Variants in B4GALT2 observed in about 807,000 individuals in gnomAD.
B4GALT2 encodes N-acetyllactosamine synthase.
B4GALT2 carries 18 observed loss-of-function variants against 33.2 expected under a neutral mutation model. The observed-to-expected ratio is 0.54, with a 90% CI of 0.38 to 0.80. The LOEUF is 0.80. Among genes scored for constraint, B4GALT2 ranks in the 30% least tolerant of loss-of-function variants. B4GALT2 has a pLI of 0.00. For missense variants in B4GALT2, 404 were observed against 526.2 expected, an observed-to-expected ratio of 0.77 and a Z score of 2.27; for synonymous variants, 214 against 217.6, an observed-to-expected ratio of 0.98 and a Z score of 0.15.
chr1:43,987,981 C>G (rs1366127853), intron 6 of B4GALT2, among the ~76,000 whole-genome samples: 1 of 152,154 alleles, frequency 6.6e-6, no homozygotes, highest in Non-Finnish European at 1.5e-5. Context: ...TTCTCTGTTA[C>G]CTGCCTCCCC....
chr1:43,980,045 T>C, intron 1 of B4GALT2: 1 of 1,514,542 alleles, frequency 6.6e-7, no homozygotes, highest in Non-Finnish European at 8.8e-7. Context: ...GTGGCCTTGT[T>C]TGTGAGTGTG....
chr1:43,988,701 G>T (rs2085687782), intron 6 of B4GALT2, among the ~76,000 whole-genome samples: 1 of 151,898 alleles, frequency 6.6e-6, no homozygotes, highest in Non-Finnish European at 1.5e-5. Flanking sequence ...AAAACAAAAA[G>T]CCGGACGTGG....
In B4GALT2 at chr1:43,984,032, CAG is replaced by C. The variant is rs1219811155; in HGVS notation, c.550-832_550-831del. On this transcript the variant is annotated intron_variant, in intron 3 of 6. Transcript: ENST00000372324. This position sits in a 1 kb window ranked among gnomAD's most constrained non-coding sequence, Gnocchi z 5.6. ...GAGACTGCAGGTTGGGGCAGGGGCTCAGGGGTCAGCGCCTCCCACTGAATGCT... is the reference window on the plus strand; with the variant it reads ...GAGACTGCAGGTTGGGGCAGGGGCTCGGGTCAGCGCCTCCCACTGAATGCT... Among the ~76,000 whole-genome samples, 1 of 152,202 alleles carries C rather than the reference CAG, an allele frequency of 6.6e-6. No individual in the cohort carries two copies. Among genetic ancestry groups the C allele is most frequent in the Non-Finnish European group, 1.5e-5 (1 of 68,038 alleles).
intron 6 of B4GALT2, among the ~76,000 whole-genome samples, chr1:43,989,688 T>C (rs1200539707): frequency 6.6e-6 from 1 of 152,222 alleles, no homozygotes; most frequent in African/African-American, 2.4e-5. Context: ...GCGCAGCCTC[T>C]GTAAGCTGGC....
Position 43,984,110 on chromosome 1 carries a change from C to A in B4GALT2, c.550-755C>A, listed in dbSNP as rs970512778. On this transcript the variant is annotated intron_variant, in intron 3 of 6. Transcript: ENST00000372324. This position sits in a 1 kb window ranked among gnomAD's most constrained non-coding sequence, Gnocchi z 5.6. ...GGTGCTTAGGCCTACATGGCCAGGA[C>A]CCCTGCAGCCCCAATTCTCAGGGGA... is the stretch of plus-strand genomic sequence containing the variant. Among the ~76,000 whole-genome samples, 1 of 152,220 alleles carries A rather than the reference C, an allele frequency of 6.6e-6. No homozygotes were observed. The highest frequency in any genetic ancestry group is 2.4e-5 in the African/African-American group (1 of 41,466).
At position 43,990,568 on chromosome 1, in the gene B4GALT2, G is replaced by T; in HGVS notation, c.*120G>T. ...TGAGACTGGGCTCTGTTTTCCAAGG[G>T]TCTTCACTAGGCCCCCTAGCTACAC... On this transcript the variant is annotated 3_prime_UTR_variant, in exon 7 of 7. Transcript: ENST00000372324. The T allele has an allele frequency of 7.2e-7, 1 of 1,381,978 alleles. No individual in the cohort carries two copies. Among genetic ancestry groups the T allele is most frequent in the Non-Finnish European group, 9.9e-7 (1 of 1,006,440 alleles). 85.6% of individuals were successfully genotyped at this position (1,381,978 alleles called of 1,614,324 possible).
rs540839589 is a variant in B4GALT2 at position 43,988,900 on chromosome 1, C to T, written c.969-1398C>T. 1.6e-4 allele frequency among the ~76,000 whole-genome samples: 24 copies of T among 147,492 alleles called. 2 individuals are homozygous for T. Among genetic ancestry groups the T allele is most frequent in the Admixed American group, 1.4e-3 (21 of 14,784 alleles). On this transcript the variant is annotated intron_variant, in intron 6 of 6. Transcript: ENST00000372324. ...CTGAGAGATTTGTGAGGGTGTCAGA[C>T]GTCTGTTTTCTGACTGGAGCAGCTG...
intron 1 of B4GALT2, chr1:43,980,722 G>A: frequency 2.3e-6 from 1 of 428,498 alleles, no homozygotes; most frequent in Non-Finnish European, 3.4e-6. Context: ...GGCACATGGG[G>A]GTCTATAGGT....
Position 43,984,779 on chromosome 1 carries a change from C to T in B4GALT2, c.550-86C>T. ...CCATGCAGCGAGGGGGCTGGTAGATCCCCAGAGACTGCTCTGGAGAGTGGC... is the reference window on the plus strand; with the variant it reads ...CCATGCAGCGAGGGGGCTGGTAGATTCCCAGAGACTGCTCTGGAGAGTGGC... On this transcript the variant is annotated intron_variant, in intron 3 of 6. Coordinates refer to ENST00000372324, the MANE Select transcript of B4GALT2 (RefSeq NM_003780.5). The surrounding 1 kb of genome is among the most constrained non-coding windows in gnomAD (Gnocchi z 5.6). The T allele has an allele frequency of 7.2e-7, 1 of 1,391,850 alleles. No individual in the cohort carries two copies. The highest frequency in any genetic ancestry group is 9.9e-7 in the Non-Finnish European group (1 of 1,014,740). The allele number at this position is 1,391,850 out of a possible 1,614,324, so 86.2% of individuals were successfully genotyped here.
At position 43,984,646 on chromosome 1, in the gene B4GALT2, G is replaced by A. The variant is rs778952073; in HGVS notation, c.550-219G>A. On this transcript the variant is annotated intron_variant, in intron 3 of 6. Coordinates refer to ENST00000372324, the MANE Select transcript of B4GALT2 (RefSeq NM_003780.5). The surrounding 1 kb of genome is among the most constrained non-coding windows in gnomAD (Gnocchi z 5.6). Reference sequence around the variant, plus strand: ...GAGGGATGTTGTGTGGCTGGGCCTCGGGACCTGAGGGCAGTGGCCAGAGAG... The same window carrying A: ...GAGGGATGTTGTGTGGCTGGGCCTCAGGACCTGAGGGCAGTGGCCAGAGAG... Among the ~76,000 whole-genome samples the A allele has an allele frequency of 2.0e-5, 3 of 152,194 alleles. No homozygotes were observed. The highest frequency in any genetic ancestry group is 2.1e-4 in the South Asian group (1 of 4,832).
chr1:43,990,340 C>T lies in B4GALT2; in HGVS notation c.1011C>T (p.Asp337=), dbSNP rs79144559. The T allele has an allele frequency of 2.7e-4, 437 of 1,614,168 alleles. No individual in the cohort carries two copies. The African/African-American group carries it at 4.3e-3, about 16-fold the overall frequency. ...IQNTKLTMKR[D]GIGSVRYQVL... ...ACACGAAGCTGACCATGAAGCGGGA[C>T]GGCATTGGGTCAGTGCGGTACCAGG... The change falls in exon 7 of 7, where the codon GAC becomes GAT. Residue 337 remains aspartate, a synonymous_variant. Coordinates refer to ENST00000372324, the MANE Select transcript of B4GALT2 (RefSeq NM_003780.5).
Position 43,980,641 on chromosome 1 carries a change from C to T in B4GALT2, c.-52-468C>T, listed in dbSNP as rs1230680982. Reference sequence around the variant, plus strand: ...TAGGTGCACAGTATTCCGTCTCTTCCCTCTTCCCCAAGCCATGAGTTCTGG... The same window carrying T: ...TAGGTGCACAGTATTCCGTCTCTTCTCTCTTCCCCAAGCCATGAGTTCTGG... On this transcript the variant is annotated intron_variant, in intron 1 of 6. Coordinates refer to ENST00000372324, the MANE Select transcript of B4GALT2 (RefSeq NM_003780.5). The T allele has an allele frequency of 5.2e-6, 5 of 964,510 alleles. No individual in the cohort carries two copies. The African/African-American group carries it at 5.3e-5, about 10-fold the overall frequency. 59.7% of individuals were successfully genotyped at this position (964,510 alleles called of 1,614,324 possible). A position where few individuals can be genotyped will look rare whatever the true frequency, so the allele number is the denominator to read the frequency against.
chr1:43,989,260 C>T (rs556849018), intron 6 of B4GALT2, among the ~76,000 whole-genome samples: 2 of 142,198 alleles, frequency 1.4e-5, no homozygotes, highest in East Asian at 2.1e-4. Context: ...GCAGGAGAAT[C>T]GCTTGAACCT....
chr1:43,985,810 C>T lies in B4GALT2; in HGVS notation c.968+189C>T, dbSNP rs900793411. 19 of 617,434 alleles carry T rather than the reference C, an allele frequency of 3.1e-5. No homozygotes were observed. The East Asian group carries it at 4.1e-4, about 13-fold the overall frequency. The allele number at this position is 617,434 out of a possible 1,614,324, so 38.2% of individuals were successfully genotyped here. ...AAGGCCCCTCAGGACTGCTGGCACC[C>T]CTGATCGTTGTCCCCCAACCCCCAG... is the stretch of plus-strand genomic sequence containing the variant. On this transcript the variant is annotated intron_variant, in intron 6 of 6. Transcript: ENST00000372324.
rs758162114 is a variant in B4GALT2, at chr1:43,981,813, G to A, written c.438G>A (p.Ala146=). Residue 146 remains alanine (A), a synonymous_variant, in exon 3 of 7, where the codon GCG becomes GCA. Coordinates refer to ENST00000372324, the MANE Select transcript of B4GALT2 (RefSeq NM_003780.5). The surrounding 1 kb of genome is among the most constrained non-coding windows in gnomAD (Gnocchi z 8.1). ...ACTGCACCCCAGCCCAGACGGTGGC[G>A]GTCATCATCCCCTTTAGACACCGGG... is the stretch of plus-strand genomic sequence containing the variant. ...PPDCTPAQTV[A]VIIPFRHREH... 17 of 1,613,738 alleles carry A rather than the reference G, an allele frequency of 1.1e-5. No homozygotes were observed. Among genetic ancestry groups the A allele is most frequent in the East Asian group, 4.5e-5 (2 of 44,886 alleles).
chr1:43,989,172 C>T (rs1335425536), intron 6 of B4GALT2, among the ~76,000 whole-genome samples: 1 of 152,016 alleles, frequency 6.6e-6, no homozygotes, highest in Non-Finnish European at 1.5e-5. Context: ...CATGGTGAAA[C>T]CCCATCTCTA....
rs1039394884 is a variant in B4GALT2, at chr1:43,979,210, G to T, written c.-354G>T. On this transcript the variant is annotated 5_prime_UTR_variant, in exon 1 of 7. Coordinates refer to ENST00000372324, the MANE Select transcript of B4GALT2 (RefSeq NM_003780.5). This position sits in a 1 kb window ranked among gnomAD's most constrained non-coding sequence, Gnocchi z 4.8. ...GCGCGCGGGCGCGCGGGCCGGGCCTGCCCCTCCGAGGCGCCGTAGCGCGGG... is the reference window on the plus strand; with the variant it reads ...GCGCGCGGGCGCGCGGGCCGGGCCTTCCCCTCCGAGGCGCCGTAGCGCGGG... The T allele has an allele frequency of 8.2e-5, 12 of 146,112 alleles. No individual in the cohort carries two copies. Among genetic ancestry groups the T allele is most frequent in the Non-Finnish European group, 1.8e-4 (12 of 65,642 alleles). The allele number at this position is 146,112 out of a possible 1,614,324, so 9.1% of individuals were successfully genotyped here. A position where few individuals can be genotyped will look rare whatever the true frequency, so the allele number is the denominator to read the frequency against.
In B4GALT2 at chr1:43,985,017, C is replaced by T. The variant is rs1226173399; in HGVS notation, c.702C>T (p.Pro234=). 6.2e-7 allele frequency: 1 copy of T among 1,613,962 alleles called. No homozygotes were observed. Among genetic ancestry groups the T allele is most frequent in the Non-Finnish European group, 8.5e-7 (1 of 1,179,988 alleles). The change falls in exon 4 of 7, where the codon CCC becomes CCT. Residue 234 remains proline, a synonymous_variant. Coordinates refer to ENST00000372324, the MANE Select transcript of B4GALT2 (RefSeq NM_003780.5). The part of the protein sequence containing the change: ...DRNLYRCGDQ[P]RHFAIAMDKF... ...ACCTATACCGCTGCGGCGACCAACCCCGCCACTTTGCCATTGCCATGGACA... is the reference window on the plus strand; with the variant it reads ...ACCTATACCGCTGCGGCGACCAACCTCGCCACTTTGCCATTGCCATGGACA...
chr1:43,980,095 T>C, intron 1 of B4GALT2: 1 of 1,439,276 alleles, frequency 6.9e-7, no homozygotes, highest in Non-Finnish European at 9.1e-7. Context: ...TGTCTGTGAC[T>C]GTAGTTCTCT....
Sources: allele counts gnomAD v4.1 joint callset (sites outside exome capture counted in the v4.1 genomes callset), GRCh38; gene constraint gnomAD v4.1.1; non-coding constraint Gnocchi (gnomAD v3.1); transcripts MANE v1.5; gene names NCBI Gene and HGNC (gene_info 2026-07-23, HGNC 2026-07-21).